GALNT13: variants seen among roughly 807,000 people sequenced by gnomAD.
The protein encoded by GALNT13 is UDP-GalNAc:polypeptide N-acetylgalactosaminyltransferase 13.
In GALNT13, 28 loss-of-function variants were observed where a neutral mutation model predicts 64.2. The ratio of observed to expected loss-of-function variants is 0.44; its 90% CI spans 0.32 to 0.60. The LOEUF (loss-of-function observed/expected upper bound fraction) is 0.60, where lower values mean the gene tolerates loss of function less well. Ranked by LOEUF, GALNT13 falls within the 20% of genes least tolerant of loss-of-function variation. The pLI is 0.05. For synonymous variants in GALNT13, 214 were observed against 224.6 expected (o/e 0.95, Z 0.42); for missense variants, 577 against 669.8 (o/e 0.86, Z 1.53).
At chr2:153,727,711 A>T in the GALNT13 span, among the ~76,000 whole-genome samples, 1 of 151,510 alleles carries the variant, frequency 6.6e-6, no homozygotes, top group Non-Finnish European at 1.5e-5. Flanking sequence ...ATAACTAATG[A>T]AGTCAAGCAC....
chr2:153,465,267 T>C, the GALNT13 span, among the ~76,000 whole-genome samples: 2 of 152,116 alleles, frequency 1.3e-5, no homozygotes, highest in Admixed American at 6.6e-5. Context: ...GAAAGAGATT[T>C]TGGAGTTTCA....
the GALNT13 span, among the ~76,000 whole-genome samples, chr2:153,777,804 G>C: frequency 3.9e-5 from 6 of 152,094 alleles, no homozygotes; most frequent in Non-Finnish European, 7.3e-5. Flanking sequence ...GTGTTACAGA[G>C]TGCCCTTTTA....
intron 3 of GALNT13, among the ~76,000 whole-genome samples, chr2:154,003,701 G>A (rs1314717573): frequency 6.6e-6 from 1 of 152,066 alleles, no homozygotes; most frequent in African/African-American, 2.4e-5. Flanking sequence ...GCAGGTGATT[G>A]GATCATAGGG....
chr2:154,325,013 A>C (rs188899750), intron 9 of GALNT13, among the ~76,000 whole-genome samples: 31 of 152,094 alleles, frequency 2.0e-4, no homozygotes, highest in Admixed American at 3.9e-4. Context: ...CCCAGCCTTC[A>C]TTCTTCCCTG....
chr2:154,302,343 A>C (rs908192622), intron 9 of GALNT13, among the ~76,000 whole-genome samples: 6 of 152,172 alleles, frequency 3.9e-5, no homozygotes, highest in South Asian at 2.1e-4. Flanking sequence ...AGGATACAAA[A>C]GGACTGTTTT....
intron 4 of GALNT13, among the ~76,000 whole-genome samples, chr2:154,199,997 T>C (rs1687086799): frequency 6.6e-6 from 1 of 151,998 alleles, no homozygotes; most frequent in African/African-American, 2.4e-5. Context: ...CCATATAGAC[T>C]CCTCAGAAAT....
At chr2:153,945,379 T>G (rs1028032701) in intron 3 of GALNT13, among the ~76,000 whole-genome samples, 1 of 152,166 alleles carries the variant, frequency 6.6e-6, no homozygotes, top group Non-Finnish European at 1.5e-5. Context: ...ATATTTCTAA[T>G]GTATTCCTAG....
At chr2:153,832,182 T>C in the GALNT13 span, among the ~76,000 whole-genome samples, 1 of 152,060 alleles carries the variant, frequency 6.6e-6, no homozygotes, top group Non-Finnish European at 1.5e-5. Context: ...GTATCACAAT[T>C]GACATTCACT....
chr2:153,582,577 T>G, the GALNT13 span, among the ~76,000 whole-genome samples: 10 of 152,170 alleles, frequency 6.6e-5, no homozygotes, highest in Admixed American at 6.6e-4. Flanking sequence ...GGAACTAAAA[T>G]TCTATTAAAA....
chr2:153,738,376 C>T, the GALNT13 span, among the ~76,000 whole-genome samples: 2 of 151,992 alleles, frequency 1.3e-5, no homozygotes, highest in Admixed American at 1.3e-4. Flanking sequence ...CTGTTAATCT[C>T]ATGATTACTT....
chr2:153,632,205 T>C, the GALNT13 span, among the ~76,000 whole-genome samples: 49 of 152,308 alleles, frequency 3.2e-4, 1 homozygote, highest in South Asian at 9.5e-3. Context: ...AACAAATTAA[T>C]AGACTTTTTG....
intron 3 of GALNT13, among the ~76,000 whole-genome samples, chr2:154,121,962 A>T (rs913695764): frequency 6.6e-6 from 1 of 151,904 alleles, no homozygotes; most frequent in Non-Finnish European, 1.5e-5. Context: ...TTTAATGTTC[A>T]TTTTGTTGGT....
chr2:153,450,772 G>A, the GALNT13 span, among the ~76,000 whole-genome samples: 1 of 152,144 alleles, frequency 6.6e-6, no homozygotes, highest in South Asian at 2.1e-4. Flanking sequence ...TTATGTAATA[G>A]TAGCCAGTTG....
At chr2:153,908,990 G>T (rs1392804585) in intron 2 of GALNT13, among the ~76,000 whole-genome samples, 1 of 152,030 alleles carries the variant, frequency 6.6e-6, no homozygotes, top group Non-Finnish European at 1.5e-5. Context: ...GGGCAGTATG[G>T]CCATTTTAAT....
chr2:154,330,362 T>C (rs1695101008), intron 9 of GALNT13, among the ~76,000 whole-genome samples: 1 of 152,120 alleles, frequency 6.6e-6, no homozygotes, highest in Non-Finnish European at 1.5e-5. Context: ...AAATTTGCAG[T>C]GCCTTCTTCC....
chr2:153,622,713 A>G, the GALNT13 span, among the ~76,000 whole-genome samples: 3 of 152,302 alleles, frequency 2.0e-5, no homozygotes, highest in East Asian at 3.9e-4. Flanking sequence ...AAAACAACCA[A>G]ATTTGTATTA....
the GALNT13 span, among the ~76,000 whole-genome samples, chr2:153,667,765 G>A: frequency 1.3e-5 from 2 of 151,994 alleles, no homozygotes; most frequent in Non-Finnish European, 2.9e-5. Flanking sequence ...AGGTCAAATC[G>A]GCACATATCA....
chr2:153,697,309 G>C, the GALNT13 span, among the ~76,000 whole-genome samples: 2 of 152,106 alleles, frequency 1.3e-5, no homozygotes, highest in African/African-American at 2.4e-5. Flanking sequence ...CTTTGGTTAT[G>C]AATTCTGCAA....
chr2:153,444,585 GCCCT>G, the GALNT13 span, among the ~76,000 whole-genome samples: 2 of 152,092 alleles, frequency 1.3e-5, no homozygotes, highest in Non-Finnish European at 2.9e-5. Flanking sequence ...AGAGAAAAAT[GCCCT>G]CCATTTCCAA....
Sources: gnomAD v4.1 joint callset for allele counts (sites outside exome capture counted in the v4.1 genomes callset) on GRCh38, gnomAD v4.1.1 for gene constraint, MANE v1.5 for transcripts, NCBI Gene and HGNC (gene_info 2026-07-23, HGNC 2026-07-21) for gene names.